FAM107B: variants seen among roughly 807,000 people sequenced by gnomAD.
The protein encoded by FAM107B is family with sequence similarity 107 member B, also known as protein FAM107B.
Under a neutral mutation model 31.5 loss-of-function variants are expected in FAM107B, and 21 were observed. That is an observed-to-expected ratio of 0.67 (90% confidence interval 0.47 to 0.96). The LOEUF is 0.96. FAM107B is among the 40% of genes least tolerant of loss of function. The pLI, the probability that FAM107B is intolerant of heterozygous loss-of-function variation, is 0.00. For missense variants in FAM107B, 452 were observed against 377.1 expected (o/e 1.20, Z -1.64); for synonymous variants, 157 against 141.5 (o/e 1.11, Z -0.78).
chr10:14,673,654 G>A (rs1039507833), intron 1 of FAM107B, among the ~76,000 whole-genome samples: 10 of 152,154 alleles, frequency 6.6e-5, no homozygotes, highest in Admixed American at 1.3e-4. Context: ...TGCATACCCA[G>A]CAGTGGGATT....
intron 1 of FAM107B, among the ~76,000 whole-genome samples, chr10:14,680,999 C>G (rs886378753): frequency 1.9e-4 from 29 of 152,334 alleles, no homozygotes; most frequent in African/African-American, 6.7e-4. Context: ...CTCACTCAGC[C>G]ATCCAGGATC....
At chr10:14,608,871 C>T (rs2131388102) in intron 2 of FAM107B, among the ~76,000 whole-genome samples, 2 of 152,326 alleles carry the variant, frequency 1.3e-5, no homozygotes, top group Admixed American at 1.3e-4. Context: ...TGTGACCATC[C>T]TTGCAAATAA....
At chr10:14,587,917 A>G (rs1032397441) in intron 2 of FAM107B, among the ~76,000 whole-genome samples, 1 of 152,174 alleles carries the variant, frequency 6.6e-6, no homozygotes, top group Admixed American at 6.5e-5. Flanking sequence ...CCTGCACTCA[A>G]TCCTATGATA....
chr10:14,621,293 T>G lies in FAM107B; in HGVS notation c.469+46341A>C, dbSNP rs571491137. ...CAACATTAAACTGCTGTTTATATTA[T>G]GTAGACTCCTTTCTTACTTTTTCTG... On this transcript the variant is annotated intron_variant, in intron 2 of 4. Transcript: ENST00000181796. Among the ~76,000 whole-genome samples, 8 of 152,356 alleles carry G rather than the reference T, an allele frequency of 5.3e-5. No individual in the cohort carries two copies. In the South Asian group the frequency reaches 1.7e-3, roughly 32 times the overall value.
At chr10:14,558,490 T>C (rs1367529938) in intron 2 of FAM107B, among the ~76,000 whole-genome samples, 2 of 152,238 alleles carry the variant, frequency 1.3e-5, no homozygotes, top group African/African-American at 2.4e-5. Flanking sequence ...TGAATTATTA[T>C]ACAGCCAAAA....
chr10:14,637,023 G>A (rs541950746), intron 2 of FAM107B, among the ~76,000 whole-genome samples: 161 of 152,152 alleles, frequency 1.1e-3, no homozygotes, highest in Non-Finnish European at 1.9e-3. Context: ...TACTCTATAG[G>A]TAAACTTAAA....
Position 14,732,801 on chromosome 10 carries a change from C to A in FAM107B, c.411+41452G>T, listed in dbSNP as rs866960036. On this transcript the variant is annotated intron_variant, in intron 1 of 4. Coordinates refer to ENST00000181796, the MANE Select transcript of FAM107B (RefSeq NM_031453.4). ...ATTCTATAGAATACATTATAGAATA[C>A]ATTATAATTATATGTATTATAATAT... Among the ~76,000 whole-genome samples the A allele has an allele frequency of 5.5e-5, 8 of 145,782 alleles. No homozygotes were observed. The South Asian group carries it at 6.4e-4, about 12-fold the overall frequency.
chr10:14,629,447 TA>T (rs1853284602), intron 2 of FAM107B, among the ~76,000 whole-genome samples: 1 of 7,648 alleles, frequency 1.3e-4, no homozygotes, highest in African/African-American at 7.2e-4. Context: ...ATATATATAT[TA>T]TATATATATT....
At chr10:14,555,491 C>A (rs1849614998) in intron 2 of FAM107B, among the ~76,000 whole-genome samples, 2 of 152,174 alleles carry the variant, frequency 1.3e-5, no homozygotes. Flanking sequence ...AAACATTTTA[C>A]TTCTGTCTTT....
At chr10:14,537,767 G>A (rs535554916) in intron 2 of FAM107B, among the ~76,000 whole-genome samples, 1 of 151,156 alleles carries the variant, frequency 6.6e-6, no homozygotes, top group African/African-American at 2.4e-5. Flanking sequence ...CCCAGGAGGC[G>A]GAGACTGCAG....
At chr10:14,708,583 G>A (rs2131533862) in intron 1 of FAM107B, among the ~76,000 whole-genome samples, 1 of 152,160 alleles carries the variant, frequency 6.6e-6, no homozygotes, top group East Asian at 1.9e-4. Flanking sequence ...TTTAATTTGA[G>A]CATGGGATCT....
chr10:14,653,115 C>T (rs1053031440), intron 2 of FAM107B, among the ~76,000 whole-genome samples: 1 of 152,184 alleles, frequency 6.6e-6, no homozygotes, highest in Non-Finnish European at 1.5e-5. Context: ...GTTGAATGAA[C>T]ACATGGACAA....
intron 2 of FAM107B, among the ~76,000 whole-genome samples, chr10:14,580,079 G>A (rs934235994): frequency 3.3e-5 from 5 of 151,742 alleles, no homozygotes; most frequent in Non-Finnish European, 5.9e-5. Context: ...AGAAAGCCAG[G>A]CTGGGTGCGG....
chr10:14,634,540 C>T (rs1382453647), intron 2 of FAM107B, among the ~76,000 whole-genome samples: 2 of 152,034 alleles, frequency 1.3e-5, no homozygotes, highest in African/African-American at 4.8e-5. Context: ...TGAAATTCTG[C>T]TTCCAGTAAT....
chr10:14,666,103 A>T (rs1854397139), intron 2 of FAM107B, among the ~76,000 whole-genome samples: 1 of 152,198 alleles, frequency 6.6e-6, no homozygotes, highest in Admixed American at 6.5e-5. Context: ...ATTAAACAAG[A>T]CTGGTAATGT....
At chr10:14,724,871 G>A (rs1271851579) in intron 1 of FAM107B, among the ~76,000 whole-genome samples, 2 of 152,196 alleles carry the variant, frequency 1.3e-5, no homozygotes, top group Non-Finnish European at 2.9e-5. Flanking sequence ...AGGGCCACTG[G>A]TTGTGAGGAA....
chr10:14,647,908 T>C (rs371883739), intron 2 of FAM107B, among the ~76,000 whole-genome samples: 77 of 151,898 alleles, frequency 5.1e-4, no homozygotes, highest in African/African-American at 1.6e-3. Context: ...TATTCAAATA[T>C]GTATTGAGAT....
chr10:14,534,591 T>C (rs968968389), intron 2 of FAM107B, among the ~76,000 whole-genome samples: 4 of 152,208 alleles, frequency 2.6e-5, no homozygotes, highest in African/African-American at 9.6e-5. Context: ...TCCACCAGCA[T>C]GCTTACAGCA....
chr10:14,647,685 CA>C (rs35141961), intron 2 of FAM107B, among the ~76,000 whole-genome samples: 33,630 of 89,102 alleles, frequency 0.38, 3,614 homozygotes, highest in South Asian at 0.45. Flanking sequence ...GACTCCATCT[CA>C]AAAAAAAAAA....
Sources: allele counts gnomAD v4.1 joint callset (sites outside exome capture counted in the v4.1 genomes callset), GRCh38; gene constraint gnomAD v4.1.1; transcripts MANE v1.5; gene names NCBI Gene and HGNC (gene_info 2026-07-23, HGNC 2026-07-21).